Variants in MAML2 observed in about 807,000 individuals in gnomAD.
MAML2 encodes the protein mastermind like transcriptional coactivator 2.
In MAML2, 22 loss-of-function variants were observed where a neutral mutation model predicts 96.1. The ratio of observed to expected loss-of-function variants is 0.23; its 90% CI spans 0.16 to 0.33. MAML2 has a LOEUF of 0.33. Ranked by LOEUF, MAML2 falls within the 10% of genes least tolerant of loss-of-function variation. MAML2 has a pLI of 1.00. For synonymous variants in MAML2, 561 were observed against 521.3 expected, an observed-to-expected ratio of 1.08 and a Z score of -1.04; for missense variants, 1,367 against 1,392.4, an observed-to-expected ratio of 0.98 and a Z score of 0.29.
At chr11:96,254,094 A>G (rs1055640648) in intron 1 of MAML2, among the ~76,000 whole-genome samples, 1 of 152,226 alleles carries the variant, frequency 6.6e-6, no homozygotes, top group African/African-American at 2.4e-5. Flanking sequence ...TATTAGAGGT[A>G]TTTTAAAACA....
intron 2 of MAML2, among the ~76,000 whole-genome samples, chr11:96,064,552 A>T (rs1238881699): frequency 2.0e-5 from 3 of 152,248 alleles, no homozygotes; most frequent in African/African-American, 7.2e-5. Flanking sequence ...CCTTATAGCT[A>T]TGCATCTTTG....
intron 2 of MAML2, among the ~76,000 whole-genome samples, chr11:96,060,537 C>G (rs6483476): frequency 6.6e-6 from 1 of 152,008 alleles, no homozygotes; most frequent in African/African-American, 2.4e-5. Context: ...TCAAATATAA[C>G]AGAAACACTG....
At position 96,310,618 on chromosome 11, in the gene MAML2, T is replaced by C. The variant is rs528195644; in HGVS notation, c.513+30765A>G. ...TTCTTCCTAGTCCTTAGGTTGGCAATACTGTGGTGTCAGTAATTTATAACA... is the reference window on the plus strand; with the variant it reads ...TTCTTCCTAGTCCTTAGGTTGGCAACACTGTGGTGTCAGTAATTTATAACA... On this transcript the variant is annotated intron_variant, in intron 1 of 4. Transcript: ENST00000524717. 1.0e-3 allele frequency among the ~76,000 whole-genome samples: 159 copies of C among 152,358 alleles called. 4 individuals are homozygous for C. Among genetic ancestry groups the C allele is most frequent in the Middle Eastern group, 6.8e-3 (2 of 294 alleles).
intron 1 of MAML2, among the ~76,000 whole-genome samples, chr11:96,165,380 G>A (rs1345886172): frequency 1.3e-5 from 2 of 152,166 alleles, no homozygotes; most frequent in African/African-American, 4.8e-5. Context: ...TGATGGTGTT[G>A]GTCTGGCAAA....
At chr11:96,177,772 G>A (rs890163165) in intron 1 of MAML2, among the ~76,000 whole-genome samples, 1 of 152,178 alleles carries the variant, frequency 6.6e-6, no homozygotes, top group Non-Finnish European at 1.5e-5. Context: ...GATAAGGCAT[G>A]GGGTGTGGGA....
At chr11:96,279,063 A>G (rs972626590) in intron 1 of MAML2, among the ~76,000 whole-genome samples, 1 of 152,216 alleles carries the variant, frequency 6.6e-6, no homozygotes, top group Non-Finnish European at 1.5e-5. Flanking sequence ...GAGAACTCAC[A>G]TATTTCTGGT....
At chr11:96,216,296 T>G (rs1043062053) in intron 1 of MAML2, among the ~76,000 whole-genome samples, 1 of 152,212 alleles carries the variant, frequency 6.6e-6, no homozygotes, top group Non-Finnish European at 1.5e-5. Context: ...CAGTCTGTAG[T>G]TTGACTTTTC....
intron 1 of MAML2, among the ~76,000 whole-genome samples, chr11:96,209,238 T>TG (rs926471059): frequency 1.1e-4 from 9 of 80,060 alleles, no homozygotes; most frequent in African/African-American, 2.5e-4. Context: ...GGGTGGGGGG[T>TG]GGGGGGGCAG....
intron 1 of MAML2, among the ~76,000 whole-genome samples, chr11:96,231,169 C>A (rs1293983219): frequency 6.6e-6 from 1 of 152,096 alleles, no homozygotes; most frequent in Non-Finnish European, 1.5e-5. Context: ...TATATAAAAA[C>A]TCTCCTGATT....
rs149021461 is a variant in MAML2 at position 96,108,080 on chromosome 11, G to A, written c.514-14563C>T. Among the ~76,000 whole-genome samples the A allele has an allele frequency of 3.3e-3, 502 of 152,332 alleles. 4 individuals carry two copies. Among genetic ancestry groups the A allele is most frequent in the African/African-American group, 0.012 (486 of 41,572 alleles). On this transcript the variant is annotated intron_variant, in intron 1 of 4. Coordinates refer to ENST00000524717, the MANE Select transcript of MAML2 (RefSeq NM_032427.4). ...GTCAGAAGCACAGGTCACAACCTAA[G>A]GCTTGTGACTGGCATCTGAAGTGAG... is the stretch of plus-strand genomic sequence containing the variant.
At chr11:96,295,681 AACACACACAC>A (rs71745057) in intron 1 of MAML2, among the ~76,000 whole-genome samples, 21 of 147,222 alleles carry the variant, frequency 1.4e-4, no homozygotes, top group Admixed American at 3.4e-4. Context: ...CTGCTGCTGT[AACACACACAC>A]ACACACACAC....
At chr11:96,264,135 A>T (rs985517899) in intron 1 of MAML2, among the ~76,000 whole-genome samples, 3 of 152,184 alleles carry the variant, frequency 2.0e-5, no homozygotes, top group African/African-American at 7.2e-5. Flanking sequence ...TATCTCAGCA[A>T]CTATTCATCC....
At chr11:96,133,207 C>G (rs1391957236) in intron 1 of MAML2, among the ~76,000 whole-genome samples, 3 of 152,078 alleles carry the variant, frequency 2.0e-5, no homozygotes, top group Non-Finnish European at 4.4e-5. Flanking sequence ...GAAAAGGAAC[C>G]ATTAAAAGAA....
intron 1 of MAML2, among the ~76,000 whole-genome samples, chr11:96,319,138 A>G (rs1448425832): frequency 3.3e-5 from 5 of 152,340 alleles, no homozygotes; most frequent in Non-Finnish European, 7.3e-5. Context: ...CATGCAGCCT[A>G]TACGGAGGCC....
In MAML2 at chr11:96,251,387, A is replaced by G. The variant is rs1409782051; in HGVS notation, c.513+89996T>C. 2.6e-5 allele frequency among the ~76,000 whole-genome samples: 4 copies of G among 152,244 alleles called. No individual in the cohort carries two copies. In the East Asian group the frequency reaches 5.8e-4, roughly 22 times the overall value. ...AAGGTATTGGGATAATTAGATAGGT[A>G]GGCCTGAGTTTTAATTATGTCTTAT... On this transcript the variant is annotated intron_variant, in intron 1 of 4. Transcript: ENST00000524717.
intron 2 of MAML2, among the ~76,000 whole-genome samples, chr11:96,030,008 T>A (rs1023240665): frequency 6.6e-6 from 1 of 152,038 alleles, no homozygotes; most frequent in Non-Finnish European, 1.5e-5. Flanking sequence ...CCAAGGTGGG[T>A]GGATCACGAG....
intron 2 of MAML2, among the ~76,000 whole-genome samples, chr11:96,031,282 CA>C (rs1353022441): frequency 6.6e-6 from 1 of 152,088 alleles, no homozygotes; most frequent in African/African-American, 2.4e-5. Flanking sequence ...TACTTTTACA[CA>C]TTTATTTCAT....
intron 2 of MAML2, among the ~76,000 whole-genome samples, chr11:96,046,362 T>TC (rs1858901948): frequency 6.6e-6 from 1 of 152,074 alleles, no homozygotes; most frequent in African/African-American, 2.4e-5. Flanking sequence ...GTTTTTTTTT[T>TC]CTTTTAAGAA....
intron 2 of MAML2, among the ~76,000 whole-genome samples, chr11:96,005,509 C>CAAA (rs1858165518): frequency 6.6e-6 from 1 of 152,018 alleles, no homozygotes; most frequent in African/African-American, 2.4e-5. Flanking sequence ...TTTTTTTTCT[C>CAAA]ATTGAGTCAA....
Sources: allele counts gnomAD v4.1 joint callset (sites outside exome capture counted in the v4.1 genomes callset), GRCh38; gene constraint gnomAD v4.1.1; transcripts MANE v1.5; gene names NCBI Gene and HGNC (gene_info 2026-07-23, HGNC 2026-07-21).